Variants in C7orf78 observed in about 807,000 individuals in gnomAD.
C7orf78 encodes the protein chromosome 7 open reading frame 78.
chr7:12,516,792 G>A, the C7orf78 span, among the ~76,000 whole-genome samples: 19 of 152,316 alleles, frequency 1.2e-4, no homozygotes, highest in East Asian at 3.3e-3. Flanking sequence ...CATGGGCCCT[G>A]TAACCCCTTT....
the C7orf78 span, among the ~76,000 whole-genome samples, chr7:12,514,207 G>C: frequency 6.6e-6 from 1 of 152,012 alleles, no homozygotes. Flanking sequence ...AGTAAAATTT[G>C]CTTTATAGAT....
the C7orf78 span, among the ~76,000 whole-genome samples, chr7:12,529,673 AGGACATCTCGAAGTTT>A: frequency 6.6e-6 from 1 of 152,224 alleles, no homozygotes; most frequent in African/African-American, 2.4e-5. Flanking sequence ...CTGGAAATGC[AGGACATCTCGAAGTTT>A]GGAGGCTTCC....
chr7:12,500,691 G>A, the C7orf78 span, among the ~76,000 whole-genome samples: 1 of 152,052 alleles, frequency 6.6e-6, no homozygotes, highest in Non-Finnish European at 1.5e-5. Flanking sequence ...AACTATTCCA[G>A]TCAATAGAAA....
the C7orf78 span, among the ~76,000 whole-genome samples, chr7:12,498,608 T>C: frequency 1.3e-5 from 2 of 152,292 alleles, no homozygotes; most frequent in East Asian, 1.9e-4. Flanking sequence ...CTACGTCTGA[T>C]TGGTGTACCT....
chr7:12,511,684 G>A, the C7orf78 span, among the ~76,000 whole-genome samples: 3 of 152,070 alleles, frequency 2.0e-5, no homozygotes, highest in East Asian at 1.9e-4. Flanking sequence ...TTGGTGTATA[G>A]AAACACTACT....
the C7orf78 span, among the ~76,000 whole-genome samples, chr7:12,536,885 C>T: frequency 1.2e-4 from 19 of 152,314 alleles, no homozygotes; most frequent in African/African-American, 4.1e-4. Flanking sequence ...AGTTCCTCAT[C>T]TCCTTCTGAG....
chr7:12,493,723 T>C, the C7orf78 span, among the ~76,000 whole-genome samples: 2 of 152,192 alleles, frequency 1.3e-5, no homozygotes, highest in Non-Finnish European at 2.9e-5. Flanking sequence ...TCTACATTTC[T>C]TCATCTGTAA....
chr7:12,494,163 A>G, the C7orf78 span, among the ~76,000 whole-genome samples: 1 of 152,122 alleles, frequency 6.6e-6, no homozygotes, highest in African/African-American at 2.4e-5. Flanking sequence ...GGAGGAAGGG[A>G]CCAAGAGGCT....
chr7:12,527,509 C>T, the C7orf78 span, among the ~76,000 whole-genome samples: 3 of 92,946 alleles, frequency 3.2e-5, 1 homozygote, highest in Non-Finnish European at 6.1e-5. Flanking sequence ...CTAGTATATG[C>T]TGTGTGTCAC....
the C7orf78 span, among the ~76,000 whole-genome samples, chr7:12,515,011 A>T: frequency 0.014 from 2,088 of 152,218 alleles, 20 homozygotes; most frequent in Middle Eastern, 0.024. Context: ...AGGTAACTTT[A>T]TAGGTAACTA....
At chr7:12,541,403 G>C in the C7orf78 span, 1 of 152,158 alleles carries the variant, frequency 6.6e-6, no homozygotes, top group Non-Finnish European at 1.5e-5. Context: ...CTGTTATGCT[G>C]TGTGGGAAAG....
the C7orf78 span, among the ~76,000 whole-genome samples, chr7:12,526,400 A>C: frequency 1.8e-4 from 27 of 152,266 alleles, no homozygotes; most frequent in African/African-American, 5.3e-4. Flanking sequence ...CCATTTGTTA[A>C]GTGTTAATTC....
At chr7:12,493,266 G>A in the C7orf78 span, among the ~76,000 whole-genome samples, 51 of 152,188 alleles carry the variant, frequency 3.4e-4, 1 homozygote, top group South Asian at 2.3e-3. Context: ...TGTTTTAATT[G>A]TAAATAAATT....
chr7:12,523,018 G>C, the C7orf78 span: 3 of 398,278 alleles, frequency 7.5e-6, no homozygotes. Context: ...ATGAGTCTCA[G>C]AGAGGCACAA....
chr7:12,509,775 C>T, the C7orf78 span, among the ~76,000 whole-genome samples: 1 of 152,184 alleles, frequency 6.6e-6, no homozygotes, highest in Non-Finnish European at 1.5e-5. Context: ...CTATCTCCAT[C>T]CATGTTACTG....
At chr7:12,507,413 C>G in the C7orf78 span, 1 of 184,534 alleles carries the variant, frequency 5.4e-6, no homozygotes, top group African/African-American at 2.4e-5. Flanking sequence ...GAGGCCAGCA[C>G]TAAGAAAAAG....
the C7orf78 span, among the ~76,000 whole-genome samples, chr7:12,488,812 G>A: frequency 0.071 from 10,847 of 151,954 alleles, 524 homozygotes; most frequent in East Asian, 0.13. Flanking sequence ...GGTAGCTGTT[G>A]TAAGAAAGTG....
chr7:12,501,795 C>G, the C7orf78 span, among the ~76,000 whole-genome samples: 8 of 139,418 alleles, frequency 5.7e-5, no homozygotes, highest in Non-Finnish European at 1.1e-4. Flanking sequence ...GCCAAAAGAA[C>G]AAAGCTGGAG....
chr7:12,516,433 C>T, the C7orf78 span, among the ~76,000 whole-genome samples: 1 of 152,242 alleles, frequency 6.6e-6, no homozygotes, highest in Non-Finnish European at 1.5e-5. Flanking sequence ...TGGAGAACCT[C>T]TGCTAGGACA....
Sources: allele counts gnomAD v4.1 joint callset (sites outside exome capture counted in the v4.1 genomes callset), GRCh38; gene constraint gnomAD v4.1.1; transcripts MANE v1.5; gene names NCBI Gene and HGNC (gene_info 2026-07-23, HGNC 2026-07-21).